The following DPYD variants were observed in gnomAD, a reference collection of about 807,000 sequenced individuals.
DPYD encodes the protein dihydropyrimidine dehydrogenase [NADP(+)].
DPYD carries 109 observed loss-of-function variants against 116.2 expected under a neutral mutation model. The ratio of observed to expected loss-of-function variants is 0.94; its 90% CI spans 0.80 to 1.10. The LOEUF (loss-of-function observed/expected upper bound fraction) is 1.10. DPYD is among the 50% of genes least tolerant of loss of function. DPYD has a pLI of 0.00. For synonymous variants in DPYD, 440 were observed against 432.0 expected (o/e 1.02, Z -0.23); for missense variants, 1,302 against 1,254.5 (o/e 1.04, Z -0.57).
At chr1:97,337,606 T>C (rs970225159) in intron 16 of DPYD, among the ~76,000 whole-genome samples, 8 of 151,918 alleles carry the variant, frequency 5.3e-5, no homozygotes, top group Admixed American at 1.3e-4. Context: ...CTAGGCCTTT[T>C]GCTAAGAAAC....
chr1:97,215,045 T>A (rs550178225), intron 19 of DPYD, among the ~76,000 whole-genome samples: 1 of 152,312 alleles, frequency 6.6e-6, no homozygotes, highest in South Asian at 2.1e-4. Context: ...ACTAGCAGAC[T>A]GGATGATGAT....
intron 1 of DPYD, among the ~76,000 whole-genome samples, chr1:97,918,392 G>GA (rs369507248): frequency 2.0e-4 from 30 of 151,584 alleles, no homozygotes; most frequent in African/African-American, 4.4e-4. Flanking sequence ...TAATATATCT[G>GA]AAAAAAAACA....
chr1:97,550,590 C>G (rs550896100), intron 11 of DPYD, among the ~76,000 whole-genome samples: 3 of 152,098 alleles, frequency 2.0e-5, no homozygotes, highest in Non-Finnish European at 4.4e-5. Context: ...GGACAACACC[C>G]TATTTGATGG....
intron 16 of DPYD, among the ~76,000 whole-genome samples, chr1:97,338,051 T>C (rs1040685463): frequency 1.3e-5 from 2 of 152,202 alleles, no homozygotes; most frequent in Non-Finnish European, 2.9e-5. Flanking sequence ...GTTTGCTAAA[T>C]GTGTCTGTTA....
intron 1 of DPYD, among the ~76,000 whole-genome samples, chr1:97,888,001 G>T (rs1672593918): frequency 6.6e-6 from 1 of 152,022 alleles, no homozygotes; most frequent in African/African-American, 2.4e-5. Context: ...GCACAACTGT[G>T]AGTCAGTTAA....
intron 14 of DPYD, among the ~76,000 whole-genome samples, chr1:97,407,566 T>C (rs1024555284): frequency 6.6e-6 from 1 of 152,086 alleles, no homozygotes; most frequent in African/African-American, 2.4e-5. Flanking sequence ...ATTAATAGAA[T>C]GGTGGAATGG....
rs118048589 is a variant in DPYD, at chr1:97,377,701, T to C, written c.1975-4057A>G. 9.4e-4 allele frequency among the ~76,000 whole-genome samples: 143 copies of C among 152,358 alleles called. 2 individuals are homozygous for C. In the East Asian group the frequency reaches 0.025, roughly 27 times the overall value. ...TTTCTCCTCTCTTCTCCTTCTTTCCTTACCTCTTCCTTTCTTTCCCTTACC... is the reference window on the plus strand; with the variant it reads ...TTTCTCCTCTCTTCTCCTTCTTTCCCTACCTCTTCCTTTCTTTCCCTTACC... On this transcript the variant is annotated intron_variant, in intron 15 of 22. Transcript: ENST00000370192.
At chr1:97,727,021 G>A (rs1244773901) in intron 4 of DPYD, among the ~76,000 whole-genome samples, 1 of 151,526 alleles carries the variant, frequency 6.6e-6, no homozygotes, top group East Asian at 1.9e-4. Context: ...ATTTGTAGGA[G>A]GTTAAAAATT....
intron 19 of DPYD, among the ~76,000 whole-genome samples, chr1:97,223,206 C>T (rs189653775): frequency 6.6e-6 from 1 of 152,202 alleles, no homozygotes; most frequent in East Asian, 1.9e-4. Flanking sequence ...TTAGCTTGAA[C>T]TAGCTCCATC....
intron 3 of DPYD, among the ~76,000 whole-genome samples, chr1:97,754,327 G>A (rs1300454826): frequency 6.6e-6 from 1 of 151,976 alleles, no homozygotes; most frequent in African/African-American, 2.4e-5. Context: ...AATAAAATTA[G>A]CTGTCTACAG....
intron 20 of DPYD, among the ~76,000 whole-genome samples, chr1:97,142,089 A>G (rs2101696854): frequency 6.6e-6 from 1 of 152,304 alleles, no homozygotes; most frequent in Middle Eastern, 3.4e-3. Flanking sequence ...CAAGGTTTAT[A>G]CTTTGAGCTT....
intron 2 of DPYD, among the ~76,000 whole-genome samples, chr1:97,834,336 G>A (rs775483800): frequency 3.3e-5 from 5 of 151,422 alleles, no homozygotes; most frequent in Non-Finnish European, 7.4e-5. Context: ...GCTAATCATT[G>A]AGACACCAAG....
chr1:97,614,233 A>G (rs1656129525), intron 8 of DPYD, among the ~76,000 whole-genome samples: 1 of 152,114 alleles, frequency 6.6e-6, no homozygotes. Context: ...TATTTACTAA[A>G]GAATAATTAT....
intron 8 of DPYD, among the ~76,000 whole-genome samples, chr1:97,666,855 T>A (rs1659591700): frequency 6.6e-6 from 1 of 152,184 alleles, no homozygotes; most frequent in African/African-American, 2.4e-5. Context: ...ACAAGTCAGG[T>A]TCTATTAGAC....
At chr1:97,583,595 A>T (rs1419295401) in intron 10 of DPYD, among the ~76,000 whole-genome samples, 1 of 148,894 alleles carries the variant, frequency 6.7e-6, no homozygotes. Flanking sequence ...ATACTCTCGG[A>T]TTCTAGTAAT....
chr1:97,174,195 C>T lies in DPYD; in HGVS notation c.2622+18874G>A, dbSNP rs1022222230. 3.3e-5 allele frequency among the ~76,000 whole-genome samples: 5 copies of T among 152,236 alleles called. No individual in the cohort carries two copies. The East Asian group carries it at 7.8e-4, about 24-fold the overall frequency. ...CTGCATGTAATATCCTATCGGCAATCAATTTAAGGTTCTGTTCTGGAAGCT... is the reference window on the plus strand; with the variant it reads ...CTGCATGTAATATCCTATCGGCAATTAATTTAAGGTTCTGTTCTGGAAGCT... On this transcript the variant is annotated intron_variant, in intron 20 of 22. Transcript: ENST00000370192.
intron 16 of DPYD, among the ~76,000 whole-genome samples, chr1:97,312,926 A>G (rs983280774): frequency 6.6e-6 from 1 of 151,946 alleles, no homozygotes; most frequent in African/African-American, 2.4e-5. Flanking sequence ...GCACTCAAAT[A>G]TAAATAGAAA....
At chr1:97,780,076 G>A (rs1271449858) in intron 3 of DPYD, among the ~76,000 whole-genome samples, 2 of 152,184 alleles carry the variant, frequency 1.3e-5, no homozygotes, top group South Asian at 2.1e-4. Context: ...ATTTAATGCA[G>A]TTGTGTTCTC....
intron 19 of DPYD, among the ~76,000 whole-genome samples, chr1:97,214,191 C>T (rs755413881): frequency 2.1e-4 from 32 of 152,046 alleles, no homozygotes; most frequent in Non-Finnish European, 4.0e-4. Context: ...TTGAGACCAT[C>T]CAACTTAGCC....
Sources: allele counts gnomAD v4.1 joint callset (sites outside exome capture counted in the v4.1 genomes callset), GRCh38; gene constraint gnomAD v4.1.1; transcripts MANE v1.5; gene names NCBI Gene and HGNC (gene_info 2026-07-23, HGNC 2026-07-21).